SMARCA4: variants seen among roughly 807,000 people sequenced by gnomAD.
The protein encoded by SMARCA4 is SWI/SNF-related matrix-associated actin-dependent regulator of chromatin subfamily A member 4.
A neutral mutation model predicts 193.9 loss-of-function variants in SMARCA4; 31 were observed. The ratio of observed to expected loss-of-function variants is 0.16; its 90% CI spans 0.12 to 0.22. The LOEUF (loss-of-function observed/expected upper bound fraction) is 0.22. SMARCA4 is among the 10% of genes least tolerant of loss of function. SMARCA4 has a pLI of 1.00. For missense variants in SMARCA4, 1,148 were observed against 2,296.0 expected (o/e 0.50, Z 10.22); for synonymous variants, 942 against 933.1 (o/e 1.01, Z -0.17).
At chr19:10,996,037 T>G (rs2145962370) in intron 9 of SMARCA4, 176 bp from the exon 10 acceptor site, 2 of 729,960 alleles carry the variant, frequency 2.7e-6, no homozygotes, top group Non-Finnish European at 5.0e-6. Flanking sequence ...TAGCCCTTGG[T>G]GGGTTTTGAG....
chr19:11,038,671 C>T (rs1052057799), intron 29 of SMARCA4, among the ~76,000 whole-genome samples: 37 of 152,302 alleles, frequency 2.4e-4, no homozygotes, highest in African/African-American at 8.4e-4. Context: ...AGGGCCCTGG[C>T]TGGTTCAAGT....
chr19:11,046,233 A>C (rs951147061), intron 30 of SMARCA4, among the ~76,000 whole-genome samples: 26 of 152,150 alleles, frequency 1.7e-4, no homozygotes, highest in Non-Finnish European at 2.6e-4. Flanking sequence ...AAAAAAAAAA[A>C]AAAAACCCCA....
chr19:10,964,458 G>A (rs1369980835), intron 1 of SMARCA4, among the ~76,000 whole-genome samples: 1 of 151,668 alleles, frequency 6.6e-6, no homozygotes, highest in Non-Finnish European at 1.5e-5. Flanking sequence ...TCACAGGTGT[G>A]CACCACCACA....
rs2146666663 is a variant in SMARCA4, at chr19:11,033,815, GC to G, written c.3827del (p.Pro1276LeufsTer15). On this transcript the variant is annotated frameshift_variant, in exon 27 of 35. Coordinates refer to ENST00000344626, the MANE Select transcript of SMARCA4 (RefSeq NM_003072.5). LOFTEE classifies it high-confidence loss of function. This position sits in a 1 kb window ranked among gnomAD's most constrained non-coding sequence, Gnocchi z 9.8. ...CGGCAGTGCCAGCTTCGCCCACACT[GC>G]CCCTCCGCCAGCGGGCGTCAACCCC... ...GSGSASFAHT[A>X]PPPAGVNPDL... 1.3e-6 allele frequency: 1 copy of G among 779,702 alleles called. No individual in the cohort carries two copies. The highest frequency in any genetic ancestry group is 2.4e-6 in the Non-Finnish European group (1 of 418,178). 48.3% of individuals were successfully genotyped at this position (779,702 alleles called of 1,614,324 possible).
In SMARCA4 at chr19:10,986,043, C is replaced by G; in HGVS notation, c.356-146C>G. The G allele has an allele frequency of 1.4e-6, 1 of 733,056 alleles. No homozygotes were observed. Among genetic ancestry groups the G allele is most frequent in the Non-Finnish European group, 2.4e-6 (1 of 419,316 alleles). The allele number at this position is 733,056 out of a possible 1,614,324, so 45.4% of individuals were successfully genotyped here. A position where few individuals can be genotyped will look rare whatever the true frequency, so the allele number is the denominator to read the frequency against. On this transcript the variant is annotated intron_variant, in intron 3 of 34. Coordinates refer to ENST00000344626, the MANE Select transcript of SMARCA4 (RefSeq NM_003072.5). This position sits in a 1 kb window ranked among gnomAD's most constrained non-coding sequence, Gnocchi z 6.7. ...TGGGCTGAGGTGCCTTCAGCATGTG[C>G]CCTCCAGGTGCCCCTGGTTGACTCA...
chr19:11,002,975 T>C lies in SMARCA4; in HGVS notation c.1813-54T>C, dbSNP rs17001078. 168,846 of 1,609,302 alleles carry C rather than the reference T, an allele frequency of 0.1. 9,444 individuals carry two copies. Among genetic ancestry groups the C allele is most frequent in the South Asian group, 0.11 (10,428 of 90,738 alleles). ...TGCTTCCCACCTTGGCCTCTGTAAGTGTTTGGTCTGGAGGCCCTGCAACCT... is the reference window on the plus strand; with the variant it reads ...TGCTTCCCACCTTGGCCTCTGTAAGCGTTTGGTCTGGAGGCCCTGCAACCT... On this transcript the variant is annotated intron_variant, in intron 11 of 34. Coordinates refer to ENST00000344626, the MANE Select transcript of SMARCA4 (RefSeq NM_003072.5).
rs757555261 is a variant in SMARCA4, at chr19:11,026,367, A to T, written c.3215+21A>T. 5.0e-6 allele frequency: 8 copies of T among 1,607,794 alleles called. No homozygotes were observed. The East Asian group carries it at 1.8e-4, about 36-fold the overall frequency. Reference sequence around the variant, plus strand: ...CAAGGGTGAGAAGCTTCCCAACTGGATGGGGTGGGCAGGTGGTCCACCCAG... The same window carrying T: ...CAAGGGTGAGAAGCTTCCCAACTGGTTGGGGTGGGCAGGTGGTCCACCCAG... On this transcript the variant is annotated intron_variant, in intron 23 of 34. Transcript: ENST00000344626.
intron 29 of SMARCA4, among the ~76,000 whole-genome samples, chr19:11,037,086 G>A (rs1029901580): frequency 7.2e-5 from 11 of 152,212 alleles, no homozygotes; most frequent in Non-Finnish European, 1.2e-4. Context: ...CAATACTACC[G>A]TGAACATTCA....
At chr19:11,013,915 G>C (rs1555775059) in intron 16 of SMARCA4, among the ~76,000 whole-genome samples, 2 of 151,918 alleles carry the variant, frequency 1.3e-5, no homozygotes, top group South Asian at 4.2e-4. Context: ...AACAGAGTCC[G>C]CCCCCCTGCC....
At chr19:10,967,685 GTTTT>G (rs111496379) in intron 1 of SMARCA4, among the ~76,000 whole-genome samples, 1 of 126,788 alleles carries the variant, frequency 7.9e-6, no homozygotes, top group Non-Finnish European at 1.6e-5. Context: ...CAAATGTGTG[GTTTT>G]TTTTTTTTTT....
intron 30 of SMARCA4, among the ~76,000 whole-genome samples, chr19:11,051,216 C>A (rs553119245): frequency 2.6e-5 from 4 of 152,302 alleles, no homozygotes; most frequent in East Asian, 3.9e-4. Context: ...GTGATAGAGA[C>A]CTTTACATAA....
At chr19:11,044,719 G>A (rs2075803134) in intron 30 of SMARCA4, among the ~76,000 whole-genome samples, 1 of 152,178 alleles carries the variant, frequency 6.6e-6, no homozygotes, top group Admixed American at 6.5e-5. Context: ...TGCTTTGTTT[G>A]TTTTTAACCA....
Position 11,041,171 on chromosome 19 carries a change from G to A in SMARCA4, c.4171-136G>A, listed in dbSNP as rs1321970790. On this transcript the variant is annotated intron_variant, in intron 29 of 34. Transcript: ENST00000344626. This position sits in a 1 kb window ranked among gnomAD's most constrained non-coding sequence, Gnocchi z 5.6. ...AGAGTCCCAGTGTGTGTTATGCCCC[G>A]AGCCAGTCAAGCTGAAGGGAGAGCG... is the stretch of plus-strand genomic sequence containing the variant. The A allele has an allele frequency of 1.3e-5, 12 of 917,400 alleles. 1 individual carries two copies. The East Asian group carries it at 1.5e-4, about 11-fold the overall frequency. The allele number at this position is 917,400 out of a possible 1,614,324, so 56.8% of individuals were successfully genotyped here.
At chr19:10,970,116 G>C (rs774154091) in intron 1 of SMARCA4, among the ~76,000 whole-genome samples, 27 of 152,132 alleles carry the variant, frequency 1.8e-4, no homozygotes, top group Admixed American at 6.6e-4. Context: ...GGTGATTTAG[G>C]ATGGGGCTCC....
At chr19:11,002,799 C>CAAA (rs747143883) in intron 11 of SMARCA4, among the ~76,000 whole-genome samples, 208 of 81,634 alleles carry the variant, frequency 2.5e-3, no homozygotes, top group Non-Finnish European at 3.2e-3. Context: ...GACTCCGTCT[C>CAAA]AAAAAAAAAA....
At chr19:11,018,856 G>T (rs1352906404) in intron 16 of SMARCA4, 101 bp from the exon 17 acceptor site, 2 of 921,598 alleles carry the variant, frequency 2.2e-6, no homozygotes, top group African/African-American at 3.2e-5. Context: ...GGAGGGCTGT[G>T]GCCATGTTGG....
intron 22 of SMARCA4, 68 bp downstream of exon 22, chr19:11,025,576 C>A: frequency 9.2e-7 from 1 of 1,089,866 alleles, no homozygotes; most frequent in Non-Finnish European, 1.4e-6. Flanking sequence ...GAGCTGGCTT[C>A]TCCTCGACAG....
At position 10,990,058 on chromosome 19, in the gene SMARCA4, C is replaced by T. The variant is rs145003813; in HGVS notation, c.1245+615C>T. Among the ~76,000 whole-genome samples the T allele has an allele frequency of 5.7e-3, 868 of 152,260 alleles. 2 individuals carry two copies. The highest frequency in any genetic ancestry group is 0.014 in the Middle Eastern group (4 of 294). On this transcript the variant is annotated intron_variant, in intron 7 of 34. Transcript: ENST00000344626. ...ACCCTGGAGTGCAGTGGAGAGATCACAGCTCACTGCAAACTTGACCTCCCA... is the reference window on the plus strand; with the variant it reads ...ACCCTGGAGTGCAGTGGAGAGATCATAGCTCACTGCAAACTTGACCTCCCA...
intron 34 of SMARCA4, among the ~76,000 whole-genome samples, chr19:11,061,557 T>C (rs562417631): frequency 1.4e-4 from 22 of 152,238 alleles, no homozygotes; most frequent in African/African-American, 5.1e-4. Context: ...TTGTATTTTT[T>C]AGTAGAGACG....
Sources: allele counts gnomAD v4.1 joint callset (sites outside exome capture counted in the v4.1 genomes callset), GRCh38; gene constraint gnomAD v4.1.1; non-coding constraint Gnocchi (gnomAD v3.1); transcripts MANE v1.5; gene names NCBI Gene and HGNC (gene_info 2026-07-23, HGNC 2026-07-21).